Variants in BEND7 observed in about 807,000 individuals in gnomAD.
The protein encoded by BEND7 is BEN domain containing 7, also known as BEN domain-containing protein 7.
Under a neutral mutation model 50.9 loss-of-function variants are expected in BEND7, and 28 were observed. The ratio of observed to expected loss-of-function variants is 0.55; its 90% CI spans 0.41 to 0.75. BEND7 has a LOEUF of 0.75. Among genes scored for constraint, BEND7 ranks in the 30% least tolerant of loss-of-function variants. BEND7 has a pLI of 0.00. For missense variants in BEND7, 477 were observed against 491.3 expected, an observed-to-expected ratio of 0.97 and a Z score of 0.28; for synonymous variants, 170 against 183.9, an observed-to-expected ratio of 0.92 and a Z score of 0.61.
At position 13,473,359 on chromosome 10, in the gene BEND7, G is replaced by A. The variant is rs567195821; in HGVS notation, c.1063+7540C>T. Among the ~76,000 whole-genome samples the A allele has an allele frequency of 2.9e-4, 44 of 151,848 alleles. 2 individuals are homozygous for A. The highest frequency in any genetic ancestry group is 7.9e-4 in the Admixed American group (12 of 15,254). ...CGTCATCGCTGTTAGACTCAGGGCC[G>A]ATATCGTCATCGCTGTGAGACTTGG... On this transcript the variant is annotated intron_variant, in intron 6 of 8. Transcript: ENST00000466271.
intron 2 of BEND7, among the ~76,000 whole-genome samples, chr10:13,515,459 A>G (rs2078597973): frequency 6.6e-6 from 1 of 152,260 alleles, no homozygotes; most frequent in African/African-American, 2.4e-5. Context: ...CATGTTTGAA[A>G]AACATGCAAT....
intron 2 of BEND7, among the ~76,000 whole-genome samples, chr10:13,511,841 A>T (rs185885218): frequency 8.5e-5 from 13 of 152,268 alleles, no homozygotes; most frequent in African/African-American, 2.9e-4. Context: ...GAGGTGAGAG[A>T]TCTGCATTGG....
At chr10:13,453,176 C>T (rs7075255) in intron 6 of BEND7, among the ~76,000 whole-genome samples, 47,306 of 152,024 alleles carry the variant, frequency 0.31, 8,636 homozygotes, top group East Asian at 0.68. Context: ...CCTTTGCACA[C>T]CACACGAGCT....
chr10:13,447,226 T>C, intron 8 of BEND7, 40 bp downstream of exon 8: 1 of 1,608,160 alleles, frequency 6.2e-7, no homozygotes, highest in Non-Finnish European at 8.5e-7. Context: ...TGGGCTGTAT[T>C]TTCCAGGAGG....
chr10:13,482,218 G>T (rs1260031370), intron 5 of BEND7, among the ~76,000 whole-genome samples: 2 of 152,190 alleles, frequency 1.3e-5, no homozygotes, highest in Admixed American at 6.5e-5. Flanking sequence ...TGGAATAGAC[G>T]AAAGTTCATT....
At chr10:13,524,771 G>C (rs1178966042) in intron 2 of BEND7, among the ~76,000 whole-genome samples, 1 of 152,002 alleles carries the variant, frequency 6.6e-6, no homozygotes, top group Non-Finnish European at 1.5e-5. Context: ...TTGGCTCCTA[G>C]CTCTCTTAAC....
intron 2 of BEND7, chr10:13,502,794 G>T: frequency 1.7e-6 from 1 of 589,356 alleles, no homozygotes; most frequent in Non-Finnish European, 2.1e-6. Flanking sequence ...GTTGGTGGCC[G>T]CCACCCCTGA....
intron 6 of BEND7, among the ~76,000 whole-genome samples, chr10:13,475,198 A>G (rs1401724722): frequency 6.6e-6 from 1 of 152,236 alleles, no homozygotes; most frequent in Non-Finnish European, 1.5e-5. Context: ...GAGAGTTACA[A>G]ATACAGCCAA....
At chr10:13,496,928 C>CAAAAAAAAAAAAA (rs5783327) in intron 3 of BEND7, 40 bp from the exon 4 acceptor site, 9 of 1,133,378 alleles carry the variant, frequency 7.9e-6, no homozygotes, top group South Asian at 5.6e-5. Context: ...CCAAACAAAC[C>CAAAAAAAAAAAAA]AAAAAAAAAA....
intron 7 of BEND7, 47 bp downstream of exon 7, chr10:13,452,492 G>A: frequency 6.4e-7 from 1 of 1,557,316 alleles, no homozygotes; most frequent in East Asian, 2.3e-5. Flanking sequence ...TAAAGTCTAA[G>A]AATTCATAAG....
chr10:13,486,065 G>A (rs1200355666), intron 5 of BEND7, among the ~76,000 whole-genome samples: 1 of 152,144 alleles, frequency 6.6e-6, no homozygotes, highest in Non-Finnish European at 1.5e-5. Context: ...TTTTCGTAGA[G>A]ACACAGTCTC....
In BEND7 at chr10:13,447,277, A is replaced by C; in HGVS notation, c.1223T>G (p.Leu408Arg). 1.9e-6 allele frequency: 3 copies of C among 1,614,168 alleles called. No homozygotes were observed. The highest frequency in any genetic ancestry group is 2.5e-6 in the Non-Finnish European group (3 of 1,180,030). The change falls in exon 8 of 9, where the codon CTA (leucine) becomes CGA (arginine). Residue 408 changes from leucine (L) to arginine (R), a missense_variant. Physicochemically the swap from Leu to Arg is moderately radical, Grantham distance 102. This residue lies in a region of BEND7 where 64 missense variants were observed against 68.5 expected (regional missense o/e 0.93). Transcript: ENST00000466271. ...DSDERLDGIA[L>R]PPTVV is the part of the protein sequence containing the mutation. ...TGCGTTTTATTTACCTGTTGGTGGT[A>C]GAGCAATGCCGTCCAGTCTTTCATC... is the stretch of plus-strand genomic sequence containing the variant.
At chr10:13,498,889 T>G (rs1342994791) in intron 3 of BEND7, among the ~76,000 whole-genome samples, 2 of 152,226 alleles carry the variant, frequency 1.3e-5, no homozygotes. Context: ...CAGGATGGCT[T>G]TTCATGCCTC....
chr10:13,485,076 A>C (rs1423609532), intron 5 of BEND7, among the ~76,000 whole-genome samples: 1 of 152,134 alleles, frequency 6.6e-6, no homozygotes, highest in East Asian at 1.9e-4. Flanking sequence ...TAACTAGGTA[A>C]ATGAAGATGC....
intron 5 of BEND7, among the ~76,000 whole-genome samples, chr10:13,482,796 G>T (rs2075960353): frequency 6.6e-6 from 1 of 152,232 alleles, no homozygotes; most frequent in Admixed American, 6.5e-5. Context: ...CAGGTCTCCA[G>T]AGGAGGTTGT....
intron 4 of BEND7, among the ~76,000 whole-genome samples, chr10:13,495,510 A>G (rs2076964023): frequency 6.6e-6 from 1 of 152,102 alleles, no homozygotes; most frequent in Non-Finnish European, 1.5e-5. Context: ...AAAAATACAA[A>G]AATTAGCCAG....
In BEND7 at chr10:13,500,082, T is replaced by C. The variant is rs764562281; in HGVS notation, c.146-2A>G. 1.3e-6 allele frequency: 2 copies of C among 1,582,072 alleles called. No homozygotes were observed. Among genetic ancestry groups the C allele is most frequent in the Non-Finnish European group, 1.7e-6 (2 of 1,158,436 alleles). On this transcript the variant is annotated splice_acceptor_variant, in intron 2 of 8. Coordinates refer to ENST00000466271, the MANE Select transcript of BEND7 (RefSeq NM_001369863.1). LOFTEE classifies it high-confidence loss of function. ...TTTTTATTTCCATGCTTTCATCTCC[T>C]AATGGAAACAGGGCCAAAGTTAGCA...
At chr10:13,464,786 T>C (rs1039691142) in intron 6 of BEND7, among the ~76,000 whole-genome samples, 1 of 152,206 alleles carries the variant, frequency 6.6e-6, no homozygotes, top group Admixed American at 6.5e-5. Flanking sequence ...AAATTTCTCC[T>C]AGGGCTATGC....
At chr10:13,488,683 T>G (rs1284301832) in intron 5 of BEND7, among the ~76,000 whole-genome samples, 1 of 152,170 alleles carries the variant, frequency 6.6e-6, no homozygotes, top group Non-Finnish European at 1.5e-5. Context: ...GAGACGGGGT[T>G]TCACCATGTT....
Sources: gnomAD v4.1 joint callset for allele counts (sites outside exome capture counted in the v4.1 genomes callset) on GRCh38, gnomAD v4.1.1 for gene constraint, gnomAD v4.1.1 regional missense constraint, MANE v1.5 for transcripts, NCBI Gene and HGNC (gene_info 2026-07-23, HGNC 2026-07-21) for gene names.